The following WARS2 variants were observed in gnomAD, a reference collection of about 807,000 sequenced individuals.
The protein encoded by WARS2 is tryptophanyl tRNA synthetase 2, mitochondrial.
In WARS2, 28 loss-of-function variants were observed where a neutral mutation model predicts 36.5. That is an observed-to-expected ratio of 0.77 (90% CI 0.57 to 1.05). WARS2 has a LOEUF of 1.05. Ranked by LOEUF, WARS2 falls within the 50% of genes least tolerant of loss-of-function variation. The pLI is 0.00. For synonymous variants in WARS2, 174 were observed against 178.4 expected (o/e 0.98, Z 0.20); for missense variants, 435 against 456.8 (o/e 0.95, Z 0.44).
At position 119,066,477 on chromosome 1, in the gene WARS2, CAAAAAAA is replaced by C. The variant is rs34709639; in HGVS notation, c.348+9866_348+9872del. On this transcript the variant is annotated intron_variant, in intron 2 of 5. Transcript: ENST00000235521. ...TGGGTGACAGAGAGAGGCTCTGTCTCAAAAAAAAAAAAAAAAAAAAAAGACAAGCTAC... is the reference window on the plus strand; with the variant it reads ...TGGGTGACAGAGAGAGGCTCTGTCTCAAAAAAAAAAAAAAAGACAAGCTAC... Among the ~76,000 whole-genome samples, 4 of 46,484 alleles carry C rather than the reference CAAAAAAA, an allele frequency of 8.6e-5. No homozygotes were observed. The South Asian group carries it at 2.8e-3, about 33-fold the overall frequency. The allele number at this position is 46,484 out of a possible 152,430, so 30.5% of individuals were successfully genotyped here. A position where few individuals can be genotyped will look rare whatever the true frequency, so the allele number is the denominator to read the frequency against.
chr1:119,138,170 T>C (rs368422714), intron 1 of WARS2, among the ~76,000 whole-genome samples: 2 of 152,322 alleles, frequency 1.3e-5, no homozygotes, highest in South Asian at 2.1e-4. Flanking sequence ...TGAGATATCA[T>C]AAAAATGTCT....
intron 1 of WARS2, among the ~76,000 whole-genome samples, chr1:119,129,684 C>T (rs1655947799): frequency 6.6e-6 from 1 of 151,716 alleles, no homozygotes; most frequent in Non-Finnish European, 1.5e-5. Flanking sequence ...CACTGCACTC[C>T]AGCCTGGGCA....
intron 1 of WARS2, chr1:119,126,854 C>T (rs1655694974): frequency 2.5e-6 from 2 of 786,808 alleles, no homozygotes; most frequent in Non-Finnish European, 4.5e-6. Flanking sequence ...TTTGGAGGAC[C>T]TGTTGGTGCT....
intron 1 of WARS2, among the ~76,000 whole-genome samples, chr1:119,093,122 TA>T (rs1269986044): frequency 2.6e-5 from 4 of 152,170 alleles, no homozygotes; most frequent in African/African-American, 9.7e-5. Flanking sequence ...TTAGACATAG[TA>T]AGGGCAATTA....
intron 1 of WARS2, among the ~76,000 whole-genome samples, chr1:119,105,980 T>C (rs867332911): frequency 2.0e-5 from 3 of 152,040 alleles, no homozygotes; most frequent in Admixed American, 2.0e-4. Flanking sequence ...GATCAAAGAA[T>C]ATGAGTACTA....
At chr1:119,084,609 A>G (rs1458515477) in intron 1 of WARS2, among the ~76,000 whole-genome samples, 1 of 152,192 alleles carries the variant, frequency 6.6e-6, no homozygotes, top group Non-Finnish European at 1.5e-5. Flanking sequence ...TATCCCATTC[A>G]TTCACATCAA....
At chr1:119,131,200 A>T (rs1054488999) in intron 1 of WARS2, among the ~76,000 whole-genome samples, 1 of 152,212 alleles carries the variant, frequency 6.6e-6, no homozygotes, top group African/African-American at 2.4e-5. Context: ...TGTTTGTTTT[A>T]AAACACTTTA....
intron 1 of WARS2, among the ~76,000 whole-genome samples, chr1:119,125,081 A>C (rs141291312): frequency 1.3e-3 from 205 of 152,338 alleles, no homozygotes; most frequent in African/African-American, 4.6e-3. Flanking sequence ...TATCCAACAC[A>C]TAGTAAGTGC....
chr1:119,061,977 G>A (rs1253619823), intron 2 of WARS2, among the ~76,000 whole-genome samples: 2 of 152,198 alleles, frequency 1.3e-5, no homozygotes, highest in Non-Finnish European at 2.9e-5. Context: ...AGGCTTTCCT[G>A]AGTATAGTGA....
chr1:119,107,019 A>T (rs189569990), intron 1 of WARS2, among the ~76,000 whole-genome samples: 40 of 152,188 alleles, frequency 2.6e-4, no homozygotes, highest in African/African-American at 9.6e-4. Context: ...GTGTGTAGTC[A>T]TATCTCGTTG....
chr1:119,106,572 C>T (rs1371164815), intron 1 of WARS2, among the ~76,000 whole-genome samples: 1 of 152,076 alleles, frequency 6.6e-6, no homozygotes, highest in Admixed American at 6.6e-5. Flanking sequence ...AAATATGTAG[C>T]GTTTTCTGAT....
At chr1:119,070,775 T>C (rs1038550157) in intron 2 of WARS2, among the ~76,000 whole-genome samples, 1 of 152,082 alleles carries the variant, frequency 6.6e-6, no homozygotes, top group Non-Finnish European at 1.5e-5. Flanking sequence ...AATAGTTTCC[T>C]AATAAGCATT....
intron 1 of WARS2, among the ~76,000 whole-genome samples, chr1:119,112,559 T>C (rs1254996921): frequency 6.6e-6 from 1 of 152,184 alleles, no homozygotes; most frequent in Admixed American, 6.6e-5. Flanking sequence ...ATCTCTTCCG[T>C]TGTGTCTTGC....
At chr1:119,120,876 G>C (rs924178552) in intron 1 of WARS2, among the ~76,000 whole-genome samples, 1 of 151,988 alleles carries the variant, frequency 6.6e-6, no homozygotes, top group Non-Finnish European at 1.5e-5. Context: ...AGGAAAATTA[G>C]CATAGAAGGG....
In WARS2 at chr1:119,076,567, G is replaced by A. The variant is rs1651747995; in HGVS notation, c.131C>T (p.Thr44Ile). The change falls in exon 2 of 6, where the codon ACA becomes ATA. Residue 44 changes from threonine to isoleucine, a missense_variant. By Grantham distance (89) the Thr-to-Ile change is moderately conservative. Coordinates refer to ENST00000235521, the MANE Select transcript of WARS2 (RefSeq NM_015836.4). ...GTAATTGCCCAGGTGGAGGATTCCT[G>A]TAGGTTGAATGCCGGAAAATACTCG... Reference protein sequence around the residue: ...KKRVFSGIQPTGILHLGNYLG... With the variant: ...KKRVFSGIQPIGILHLGNYLG... 6.2e-7 allele frequency: 1 copy of A among 1,614,156 alleles called. No homozygotes were observed. Among genetic ancestry groups the A allele is most frequent in the Non-Finnish European group, 8.5e-7 (1 of 1,180,012 alleles).
chr1:119,138,615 C>T (rs1656682356), intron 1 of WARS2, among the ~76,000 whole-genome samples: 1 of 152,032 alleles, frequency 6.6e-6, no homozygotes, highest in Non-Finnish European at 1.5e-5. Flanking sequence ...TTTATATAAA[C>T]ACTTATATAT....
intron 1 of WARS2, among the ~76,000 whole-genome samples, chr1:119,117,762 A>G (rs587610941): frequency 1.3e-5 from 2 of 152,306 alleles, no homozygotes; most frequent in South Asian, 4.1e-4. Flanking sequence ...GTCACATCAC[A>G]GGACTCTTTA....
intron 1 of WARS2, chr1:119,126,805 G>A: frequency 1.4e-6 from 1 of 740,138 alleles, no homozygotes; most frequent in Admixed American, 1.7e-5. Flanking sequence ...TCATTTGTCT[G>A]TACCTCTCAG....
At chr1:119,051,443 G>A (rs1649344020) in intron 2 of WARS2, among the ~76,000 whole-genome samples, 1 of 152,124 alleles carries the variant, frequency 6.6e-6, no homozygotes, top group Admixed American at 6.5e-5. Flanking sequence ...ATCTGCCATT[G>A]ATGGGTATTT....
Sources: gnomAD v4.1 joint callset for allele counts (sites outside exome capture counted in the v4.1 genomes callset) on GRCh38, gnomAD v4.1.1 for gene constraint, MANE v1.5 for transcripts, NCBI Gene and HGNC (gene_info 2026-07-23, HGNC 2026-07-21) for gene names.